Variants in FARP1 observed in about 807,000 individuals in gnomAD.
FARP1 encodes FERM, ARH/RhoGEF and pleckstrin domain protein 1.
A neutral mutation model predicts 128.8 loss-of-function variants in FARP1; 52 were observed. The observed-to-expected ratio is 0.40, with a 90% CI of 0.32 to 0.51. The LOEUF (loss-of-function observed/expected upper bound fraction) is 0.51. Among genes scored for constraint, FARP1 ranks in the 20% least tolerant of loss-of-function variants. The pLI, the probability that FARP1 is intolerant of heterozygous loss-of-function variation, is 0.45. For synonymous variants in FARP1, 580 were observed against 551.8 expected (o/e 1.05, Z -0.72); for missense variants, 1,333 against 1,367.9 (o/e 0.97, Z 0.40).
intron 2 of FARP1, among the ~76,000 whole-genome samples, chr13:98,221,142 C>T (rs1301206697): frequency 2.6e-5 from 4 of 152,114 alleles, no homozygotes; most frequent in African/African-American, 9.7e-5. Flanking sequence ...CCACTTGAGG[C>T]CCAGGTGAGG....
chr13:98,249,874 TC>T (rs1187807308), intron 2 of FARP1, among the ~76,000 whole-genome samples: 2 of 152,192 alleles, frequency 1.3e-5, no homozygotes, highest in Non-Finnish European at 2.9e-5. Flanking sequence ...CCCACCTCTC[TC>T]CCTTCAGTTA....
intron 16 of FARP1, among the ~76,000 whole-genome samples, chr13:98,419,483 TACACACACACACACACAC>T (rs57751374): frequency 1.4e-4 from 20 of 139,956 alleles, no homozygotes; most frequent in African/African-American, 4.9e-4. Flanking sequence ...CAAAAAAAAA[TACACACACACACACACAC>T]ACACACACAC....
In FARP1 at chr13:98,439,152, A is replaced by G; in HGVS notation, c.2389A>G (p.Asn797Asp). ...LYTSRGLTASNQFKVHGQLPL... is the reference protein window; with the variant it reads ...LYTSRGLTASDQFKVHGQLPL... The stretch of plus-strand genomic sequence containing the variant: ...CACGAGCCGGGGGCTGACGGCCTCC[A>G]ATCAGTTTAAAGTCCACGGGCAGCT... The change falls in exon 21 of 27, where the codon AAT becomes GAT. Residue 797 changes from asparagine (N) to aspartate (D), a missense_variant. Transcript: ENST00000319562. 1 of 1,613,960 alleles carries G rather than the reference A, an allele frequency of 6.2e-7. No individual in the cohort carries two copies. The highest frequency in any genetic ancestry group is 8.5e-7 in the Non-Finnish European group (1 of 1,179,926).
chr13:98,252,671 T>C (rs1229661324), intron 2 of FARP1, among the ~76,000 whole-genome samples: 1 of 152,254 alleles, frequency 6.6e-6, no homozygotes, highest in Non-Finnish European at 1.5e-5. Flanking sequence ...AAACATTTAT[T>C]GAAGACCTTT....
At position 98,400,485 on chromosome 13, in the gene FARP1, C is replaced by T. The variant is rs1301834331; in HGVS notation, c.1414+5009C>T. The T allele has an allele frequency of 2.6e-5, 4 of 152,164 alleles. No homozygotes were observed. The South Asian group carries it at 6.2e-4, about 24-fold the overall frequency. 9.4% of individuals were successfully genotyped at this position (152,164 alleles called of 1,614,324 possible). On this transcript the variant is annotated intron_variant, in intron 13 of 26. Transcript: ENST00000319562. ...ACTGTTTCTACTTAAAGCATTATTC[C>T]GTATTTCAGCACAGAATGACTTTGG... is the stretch of plus-strand genomic sequence containing the variant.
Position 98,264,310 on chromosome 13 carries a change from C to T in FARP1, c.171+50897C>T, listed in dbSNP as rs1884003181. On this transcript the variant is annotated intron_variant, in intron 2 of 26. Transcript: ENST00000319562. ...TTCAAAAATGTTAAAGGGAAAATTC[C>T]AGAACTAAGCAATTCCTAGGTTTTA... is the stretch of plus-strand genomic sequence containing the variant. 2.0e-5 allele frequency among the ~76,000 whole-genome samples: 3 copies of T among 152,200 alleles called. No homozygotes were observed. In the South Asian group the frequency reaches 6.2e-4, roughly 31 times the overall value.
At chr13:98,349,086 C>T (rs1299241587) in intron 3 of FARP1, among the ~76,000 whole-genome samples, 1 of 152,176 alleles carries the variant, frequency 6.6e-6, no homozygotes, top group Admixed American at 6.5e-5. Flanking sequence ...TCTCATTGGC[C>T]TATTGAGGCT....
In FARP1 at chr13:98,251,495, C is replaced by T. The variant is rs186514691; in HGVS notation, c.171+38082C>T. ...GTCAGGAATTTGAGGCCAGCCTGGC[C>T]AACATGGTGAAACCCCACCTCTACT... On this transcript the variant is annotated intron_variant, in intron 2 of 26. Transcript: ENST00000319562. 1.2e-3 allele frequency among the ~76,000 whole-genome samples: 181 copies of T among 152,118 alleles called. 1 individual carries two copies. The highest frequency in any genetic ancestry group is 4.1e-3 in the African/African-American group (172 of 41,490).
chr13:98,219,976 C>T (rs1361829674), intron 2 of FARP1, among the ~76,000 whole-genome samples: 9 of 152,270 alleles, frequency 5.9e-5, no homozygotes, highest in Non-Finnish European at 1.0e-4. Flanking sequence ...GCCTGTTTTC[C>T]TTCTTAATTT....
At chr13:98,424,936 G>T (rs1891726074) in intron 17 of FARP1, among the ~76,000 whole-genome samples, 1 of 150,562 alleles carries the variant, frequency 6.6e-6, no homozygotes, top group African/African-American at 2.4e-5. Context: ...TAGTGTTAGT[G>T]TATTTCATGT....
chr13:98,256,948 G>GGTATATATATATATATATAT (rs59128917), intron 2 of FARP1, among the ~76,000 whole-genome samples: 3 of 77,096 alleles, frequency 3.9e-5, no homozygotes, highest in Non-Finnish European at 8.1e-5. Context: ...TATATATGTG[G>GGTATATATATATATATATAT]ATATATATAT....
At chr13:98,350,582 C>T (rs1888375435) in intron 3 of FARP1, among the ~76,000 whole-genome samples, 1 of 152,172 alleles carries the variant, frequency 6.6e-6, no homozygotes, top group South Asian at 2.1e-4. Flanking sequence ...GGACTTGCAT[C>T]TACCACAACA....
intron 1 of FARP1, among the ~76,000 whole-genome samples, chr13:98,158,707 G>T (rs892142837): frequency 6.6e-6 from 1 of 152,220 alleles, no homozygotes; most frequent in Non-Finnish European, 1.5e-5. Context: ...ACAGGGAACA[G>T]CTGCTTTTCT....
intron 1 of FARP1, among the ~76,000 whole-genome samples, chr13:98,163,266 G>T (rs1303190674): frequency 6.6e-6 from 1 of 152,076 alleles, no homozygotes; most frequent in Admixed American, 6.6e-5. Context: ...GGCGCTAAAT[G>T]AAGAGAACTG....
chr13:98,383,972 C>A lies in FARP1; in HGVS notation c.497-758C>A, dbSNP rs1247019457. Reference sequence around the variant, plus strand: ...CCCACTGACGTTCCTCTTTTCTCTGCATGATAAAGCATTTGCGTTTTGCAC... The same window carrying A: ...CCCACTGACGTTCCTCTTTTCTCTGAATGATAAAGCATTTGCGTTTTGCAC... On this transcript the variant is annotated intron_variant, in intron 6 of 26. Coordinates refer to ENST00000319562, the MANE Select transcript of FARP1 (RefSeq NM_005766.4). The A allele has an allele frequency of 2.6e-5, 4 of 152,194 alleles. No individual in the cohort carries two copies. The South Asian group carries it at 6.2e-4, about 24-fold the overall frequency. The allele number at this position is 152,194 out of a possible 1,614,324, so 9.4% of individuals were successfully genotyped here.
At chr13:98,435,449 CAA>C (rs1892217013) in intron 18 of FARP1, 125 bp from the exon 19 acceptor site, 1 of 913,514 alleles carries the variant, frequency 1.1e-6, no homozygotes. Flanking sequence ...TGTTTTTGCT[CAA>C]AAGACACCTT....
At position 98,343,780 on chromosome 13, in the gene FARP1, G is replaced by A; in HGVS notation, c.190G>A (p.Val64Met). ...FEVPQRAPGK[V>M]LLDAVCNHLN... ...CTCACAGCAAAGAGCTCCTGGGAAGGTGCTGCTGGATGCAGTTTGCAACCA... is the reference window on the plus strand; with the variant it reads ...CTCACAGCAAAGAGCTCCTGGGAAGATGCTGCTGGATGCAGTTTGCAACCA... Residue 64 changes from valine to methionine, a missense_variant, in exon 3 of 27, where the codon GTG (valine) becomes ATG (methionine). By Grantham distance (21) the Val-to-Met change is conservative. Around this residue, in one of 2 missense-constraint regions of FARP1, gnomAD observed 324 missense variants for 398.1 expected, o/e 0.81. Transcript: ENST00000319562. 6.2e-7 allele frequency: 1 copy of A among 1,614,008 alleles called. No homozygotes were observed. The highest frequency in any genetic ancestry group is 8.5e-7 in the Non-Finnish European group (1 of 1,179,860).
chr13:98,153,366 ATGT>A (rs1876192249), intron 1 of FARP1, among the ~76,000 whole-genome samples: 3 of 34,026 alleles, frequency 8.8e-5, no homozygotes, highest in Non-Finnish European at 4.7e-4. Flanking sequence ...TATATAAAAT[ATGT>A]TATATATAAA....
At position 98,224,391 on chromosome 13, in the gene FARP1, G is replaced by T. The variant is rs569385264; in HGVS notation, c.171+10978G>T. Among the ~76,000 whole-genome samples the T allele has an allele frequency of 4.0e-5, 6 of 151,884 alleles. No individual in the cohort carries two copies. The South Asian group carries it at 1.3e-3, about 32-fold the overall frequency. ...AAATACAAAAAATTAGCTGGGCGTG[G>T]TGGCGAGTGCCTGTAGTCCCAGCTA... On this transcript the variant is annotated intron_variant, in intron 2 of 26. Coordinates refer to ENST00000319562, the MANE Select transcript of FARP1 (RefSeq NM_005766.4).
Sources: gnomAD v4.1 joint callset for allele counts (sites outside exome capture counted in the v4.1 genomes callset) on GRCh38, gnomAD v4.1.1 for gene constraint, gnomAD v4.1.1 regional missense constraint, MANE v1.5 for transcripts, NCBI Gene and HGNC (gene_info 2026-07-23, HGNC 2026-07-21) for gene names.